The following RGS7 variants were observed in gnomAD, a reference collection of about 807,000 sequenced individuals.
RGS7 encodes regulator of G protein signaling 7.
A neutral mutation model predicts 81.1 loss-of-function variants in RGS7; 27 were observed. The observed-to-expected ratio is 0.33, with a 90% CI of 0.25 to 0.46. The LOEUF (loss-of-function observed/expected upper bound fraction) is 0.46, where lower values mean the gene tolerates loss of function less well. Ranked by LOEUF, RGS7 falls within the 20% of genes least tolerant of loss-of-function variation. The pLI is 1.00. For synonymous variants in RGS7, 208 were observed against 207.7 expected (o/e 1.00, Z -0.01); for missense variants, 396 against 607.4 (o/e 0.65, Z 3.66).
At chr1:240,944,968 T>C (rs1470484241) in intron 4 of RGS7, among the ~76,000 whole-genome samples, 1 of 152,136 alleles carries the variant, frequency 6.6e-6, no homozygotes, top group Non-Finnish European at 1.5e-5. Flanking sequence ...GCCTCGGCCT[T>C]CCCAAGCATT....
intron 2 of RGS7, among the ~76,000 whole-genome samples, chr1:241,114,643 T>C (rs577179618): frequency 6.6e-6 from 1 of 152,350 alleles, no homozygotes; most frequent in East Asian, 1.9e-4. Flanking sequence ...AATAAAATGC[T>C]GATTTGTTGA....
intron 4 of RGS7, 48 bp downstream of exon 4, chr1:240,983,031 A>T: frequency 9.1e-7 from 1 of 1,099,924 alleles, no homozygotes; most frequent in Admixed American, 1.8e-5. Flanking sequence ...CATATTTCTT[A>T]AAACCACTAA....
At chr1:240,914,182 C>G (rs914852766) in intron 6 of RGS7, among the ~76,000 whole-genome samples, 2 of 151,296 alleles carry the variant, frequency 1.3e-5, no homozygotes, top group African/African-American at 4.9e-5. Flanking sequence ...AAACACTCAT[C>G]GATTATGATA....
At chr1:241,311,031 A>C (rs963735202) in intron 2 of RGS7, among the ~76,000 whole-genome samples, 17 of 152,192 alleles carry the variant, frequency 1.1e-4, no homozygotes, top group Non-Finnish European at 7.4e-5. Context: ...CAAGGTTTTC[A>C]TCTTTTGTCA....
intron 9 of RGS7, among the ~76,000 whole-genome samples, chr1:240,836,687 G>A (rs759565651): frequency 5.9e-5 from 9 of 152,196 alleles, no homozygotes; most frequent in Non-Finnish European, 1.2e-4. Context: ...TGAAGATCAC[G>A]AATCAGAGCA....
Position 241,356,238 on chromosome 1 carries a change from G to A in RGS7, c.-50-412C>T, listed in dbSNP as rs183878731. ...TGGGGGATGCGGTGGGGGAGTGGGG[G>A]GCGGGTTAGCACACTTTCTCCTAGG... On this transcript the variant is annotated intron_variant, in intron 1 of 18. Transcript: ENST00000440928. Among the ~76,000 whole-genome samples, 1,021 of 152,030 alleles carry A rather than the reference G, an allele frequency of 6.7e-3. 5 individuals are homozygous for A. The highest frequency in any genetic ancestry group is 0.011 in the Non-Finnish European group (772 of 67,946).
chr1:241,132,616 A>G (rs754111859), intron 2 of RGS7, among the ~76,000 whole-genome samples: 33 of 152,138 alleles, frequency 2.2e-4, no homozygotes, highest in Admixed American at 5.9e-4. Flanking sequence ...CATATTTTGG[A>G]GAAGAGGTAC....
chr1:241,096,677 G>A (rs956671707), intron 3 of RGS7, among the ~76,000 whole-genome samples: 10 of 152,084 alleles, frequency 6.6e-5, no homozygotes, highest in African/African-American at 2.4e-4. Context: ...TCTTAATGTT[G>A]TCAACCAAGA....
intron 9 of RGS7, among the ~76,000 whole-genome samples, chr1:240,862,328 A>G (rs1572467924): frequency 6.6e-6 from 1 of 152,176 alleles, no homozygotes; most frequent in African/African-American, 2.4e-5. Context: ...TGCACATAAT[A>G]TATCATATTT....
At chr1:241,167,738 T>C (rs1394509252) in intron 2 of RGS7, among the ~76,000 whole-genome samples, 4 of 152,016 alleles carry the variant, frequency 2.6e-5, no homozygotes, top group African/African-American at 9.7e-5. Context: ...CAGGCTTGTC[T>C]CAATCTCCTG....
intron 2 of RGS7, among the ~76,000 whole-genome samples, chr1:241,102,567 G>C (rs1266954111): frequency 6.6e-6 from 1 of 152,156 alleles, no homozygotes; most frequent in Admixed American, 6.5e-5. Flanking sequence ...TCCTCTCTGG[G>C]ATGTCTGCTC....
At position 240,868,547 on chromosome 1, in the gene RGS7, G is replaced by A; in HGVS notation, c.609+40C>T. 6.3e-7 allele frequency: 1 copy of A among 1,587,778 alleles called. No homozygotes were observed. The highest frequency in any genetic ancestry group is 8.6e-7 in the Non-Finnish European group (1 of 1,156,316). Reference sequence around the variant, plus strand: ...GGGCACCCCTCACTTCCCACAGACGGAGAAGATGGATTCAAGACGAGAGTG... The same window carrying A: ...GGGCACCCCTCACTTCCCACAGACGAAGAAGATGGATTCAAGACGAGAGTG... On this transcript the variant is annotated intron_variant, in intron 9 of 18. Transcript: ENST00000440928. The surrounding 1 kb of genome is among the most constrained non-coding windows in gnomAD (Gnocchi z 5.1).
At chr1:240,878,489 CTTTTTT>C (rs57896753) in intron 6 of RGS7, among the ~76,000 whole-genome samples, 2 of 117,584 alleles carry the variant, frequency 1.7e-5, no homozygotes, top group East Asian at 5.0e-4. Context: ...TTTTTTCTTT[CTTTTTT>C]TTTTTTTTTT....
At chr1:241,285,998 T>A (rs2078787419) in intron 2 of RGS7, among the ~76,000 whole-genome samples, 1 of 152,214 alleles carries the variant, frequency 6.6e-6, no homozygotes, top group Non-Finnish European at 1.5e-5. Context: ...GAGCCATGAA[T>A]GTAATCATCG....
At chr1:240,880,283 T>C (rs370452418) in intron 6 of RGS7, among the ~76,000 whole-genome samples, 1 of 152,288 alleles carries the variant, frequency 6.6e-6, no homozygotes, top group East Asian at 1.9e-4. Flanking sequence ...CTCCAGCAGT[T>C]CTCCCGCTCT....
At chr1:241,278,350 A>G (rs1466500088) in intron 2 of RGS7, among the ~76,000 whole-genome samples, 1 of 152,160 alleles carries the variant, frequency 6.6e-6, no homozygotes, top group Admixed American at 6.5e-5. Context: ...TTTTAGATGC[A>G]CGTTTTCTAT....
rs60732630 is a variant in RGS7, at chr1:240,977,091, T to TACACACAC, written c.226+5980_226+5987dup. Among the ~76,000 whole-genome samples the TACACACAC allele has an allele frequency of 7.9e-3, 1,055 of 133,802 alleles. 8 individuals carry two copies. The highest frequency in any genetic ancestry group is 0.012 in the Non-Finnish European group (740 of 62,480). 87.8% of individuals were successfully genotyped at this position (133,802 alleles called of 152,430 possible). On this transcript the variant is annotated intron_variant, in intron 4 of 18. Transcript: ENST00000440928. Reference sequence around the variant, plus strand: ...CATCTATCATCTATCTATCCATCTGTACACACACACACACACACACACACA... The same window carrying TACACACAC: ...CATCTATCATCTATCTATCCATCTGTACACACACACACACACACACACACACACACACA...
chr1:240,962,502 G>A (rs1451782046), intron 4 of RGS7, among the ~76,000 whole-genome samples: 5 of 152,130 alleles, frequency 3.3e-5, no homozygotes, highest in African/African-American at 1.2e-4. Flanking sequence ...TTCAATGTAG[G>A]AGAACAAAAC....
chr1:240,876,049 G>A (rs549695382), intron 6 of RGS7, among the ~76,000 whole-genome samples: 4 of 152,038 alleles, frequency 2.6e-5, no homozygotes, highest in Non-Finnish European at 4.4e-5. Context: ...TCTCACACAG[G>A]GTTTAGATGA....
Sources: gnomAD v4.1 joint callset for allele counts (sites outside exome capture counted in the v4.1 genomes callset) on GRCh38, gnomAD v4.1.1 for gene constraint, Gnocchi (gnomAD v3.1) non-coding constraint, MANE v1.5 for transcripts, NCBI Gene and HGNC (gene_info 2026-07-23, HGNC 2026-07-21) for gene names.